The following ANKRD17 variants were observed in gnomAD, a reference collection of about 807,000 sequenced individuals.
ANKRD17 encodes the protein ankyrin repeat domain 17.
In ANKRD17, 19 loss-of-function variants were observed where a neutral mutation model predicts 229.7. The observed-to-expected ratio is 0.08, with a 90% CI of 0.06 to 0.12. The LOEUF (loss-of-function observed/expected upper bound fraction) is 0.12, where lower values mean the gene tolerates loss of function less well. Among genes scored for constraint, ANKRD17 ranks in the 10% least tolerant of loss-of-function variants. The pLI, the probability that ANKRD17 is intolerant of heterozygous loss-of-function variation, is 1.00. For synonymous variants in ANKRD17, 1,112 were observed against 1,146.1 expected, an observed-to-expected ratio of 0.97 and a Z score of 0.60; for missense variants, 2,176 against 3,176.8, an observed-to-expected ratio of 0.68 and a Z score of 7.57.
At chr4:73,076,380 T>G in intron 33 of ANKRD17, 90 bp from the exon 34 acceptor site, 1 of 988,368 alleles carries the variant, frequency 1.0e-6, no homozygotes, top group Non-Finnish European at 1.4e-6. Context: ...GAGGTACTCT[T>G]CAATTTGCAA....
chr4:73,182,289 T>C (rs1735688675), intron 1 of ANKRD17, among the ~76,000 whole-genome samples: 1 of 152,030 alleles, frequency 6.6e-6, no homozygotes, highest in South Asian at 2.1e-4. Flanking sequence ...ACCAGCTGGA[T>C]ATTTTATGAA....
intron 1 of ANKRD17, among the ~76,000 whole-genome samples, chr4:73,198,004 AT>A (rs1457249022): frequency 6.6e-6 from 1 of 152,204 alleles, no homozygotes; most frequent in African/African-American, 2.4e-5. Context: ...CTATGTATAA[AT>A]GATTGTAACT....
chr4:73,203,950 TG>T (rs534314599), intron 1 of ANKRD17, among the ~76,000 whole-genome samples: 33 of 151,286 alleles, frequency 2.2e-4, no homozygotes, highest in Non-Finnish European at 4.4e-4. Flanking sequence ...AAAACAGCCA[TG>T]GGGGGGAAAA....
chr4:73,154,040 A>C lies in ANKRD17; in HGVS notation c.1074T>G (p.Ala358=). Residue 358 remains alanine, a synonymous_variant, in exon 6 of 34, where the codon GCT becomes GCG. Coordinates refer to ENST00000358602, the MANE Select transcript of ANKRD17 (RefSeq NM_032217.5). ...CATTTTCATTATGGTCCTCAATACT[A>C]GCACCGGATTCCAAGAGCACCTTTA... ...DVVKVLLESG[A]SIEDHNENGH... The C allele has an allele frequency of 6.2e-7, 1 of 1,612,764 alleles. No homozygotes were observed. Among genetic ancestry groups the C allele is most frequent in the Non-Finnish European group, 8.5e-7 (1 of 1,179,428 alleles).
intron 18 of ANKRD17, 41 bp from the exon 19 acceptor site, chr4:73,121,800 G>A (rs1726767440): frequency 1.3e-6 from 2 of 1,540,808 alleles, no homozygotes; most frequent in South Asian, 1.3e-5. Flanking sequence ...CTTATGGAGA[G>A]ACAAATTACC....
At chr4:73,217,487 C>T (rs1431441559) in intron 1 of ANKRD17, among the ~76,000 whole-genome samples, 1 of 152,000 alleles carries the variant, frequency 6.6e-6, no homozygotes, top group Non-Finnish European at 1.5e-5. Context: ...TCTGAAAATT[C>T]AAAATCTGAA....
At chr4:73,218,243 T>C (rs1741356646) in intron 1 of ANKRD17, among the ~76,000 whole-genome samples, 1 of 152,196 alleles carries the variant, frequency 6.6e-6, no homozygotes, top group African/African-American at 2.4e-5. Flanking sequence ...GCTTTTTAAG[T>C]CCACTGCTGA....
At chr4:73,179,397 T>G (rs1039188700) in intron 1 of ANKRD17, among the ~76,000 whole-genome samples, 3 of 146,676 alleles carry the variant, frequency 2.0e-5, no homozygotes, top group Non-Finnish European at 4.5e-5. Context: ...ATTATATATA[T>G]TTTAAATTAT....
intron 15 of ANKRD17, among the ~76,000 whole-genome samples, chr4:73,138,545 C>T (rs976765126): frequency 2.0e-5 from 3 of 151,978 alleles, no homozygotes. Flanking sequence ...TTTAATGCTA[C>T]TGAAACAGTT....
intron 1 of ANKRD17, among the ~76,000 whole-genome samples, chr4:73,246,244 C>T (rs1469378973): frequency 6.6e-6 from 1 of 152,164 alleles, no homozygotes; most frequent in African/African-American, 2.4e-5. Context: ...TTAATATGTA[C>T]CAATGACTGC....
intron 27 of ANKRD17, among the ~76,000 whole-genome samples, chr4:73,096,227 GATC>G (rs1330853080): frequency 6.6e-6 from 1 of 152,154 alleles, no homozygotes; most frequent in Admixed American, 6.5e-5. Flanking sequence ...ATCAGCCAGT[GATC>G]ATCATTTCCA....
At chr4:73,182,768 T>C (rs1188788314) in intron 1 of ANKRD17, among the ~76,000 whole-genome samples, 1 of 152,206 alleles carries the variant, frequency 6.6e-6, no homozygotes, top group African/African-American at 2.4e-5. Flanking sequence ...AGGAATAAGA[T>C]AAATCAATGT....
chr4:73,087,719 G>A (rs1251221892), intron 29 of ANKRD17, among the ~76,000 whole-genome samples: 2 of 152,122 alleles, frequency 1.3e-5, no homozygotes, highest in Non-Finnish European at 2.9e-5. Flanking sequence ...CATTTTATTG[G>A]GTGCAGTAAT....
rs1340733197 is a variant in ANKRD17 at position 73,091,470 on chromosome 4, C to T, written c.6158G>A (p.Gly2053Glu). The T allele has an allele frequency of 6.2e-7, 1 of 1,614,128 alleles. No homozygotes were observed. Among genetic ancestry groups the T allele is most frequent in the East Asian group, 2.2e-5 (1 of 44,874 alleles). ...PSSPSPPAQP[G>E]GVSRNSPLDC... ...CAAAGGGCTGTTTCTAGAAACCCCT[C>T]CTGGCTGGGCTGGTGGTGATGGGGA... The change falls in exon 29 of 34, where the codon GGA becomes GAA. Residue 2053 changes from glycine to glutamate, a missense_variant. Physicochemically the swap from Gly to Glu is moderately conservative, Grantham distance 98 (BLOSUM62 -2). Coordinates refer to ENST00000358602, the MANE Select transcript of ANKRD17 (RefSeq NM_032217.5).
chr4:73,102,660 TC>T, intron 24 of ANKRD17, 113 bp from the exon 25 acceptor site: 1 of 1,203,176 alleles, frequency 8.3e-7, no homozygotes, highest in Admixed American at 2.5e-5. Context: ...TTCAAAGTCA[TC>T]TAGTTCAATT....
chr4:73,200,397 G>A (rs920718410), intron 1 of ANKRD17, among the ~76,000 whole-genome samples: 1 of 152,074 alleles, frequency 6.6e-6, no homozygotes, highest in African/African-American at 2.4e-5. Flanking sequence ...AAAAGTGTAA[G>A]ACGAGCCTGA....
chr4:73,159,980 G>T (rs1732282597), intron 3 of ANKRD17, among the ~76,000 whole-genome samples: 1 of 152,054 alleles, frequency 6.6e-6, no homozygotes, highest in South Asian at 2.1e-4. Flanking sequence ...AATGTTGTAT[G>T]AAAACACCAT....
intron 14 of ANKRD17, 130 bp from the exon 15 acceptor site, chr4:73,140,413 T>C (rs867122866): frequency 2.4e-6 from 2 of 839,930 alleles, no homozygotes; most frequent in Non-Finnish European, 3.3e-6. Flanking sequence ...AAATGCACTG[T>C]TAAAAAATTA....
At chr4:73,147,196 A>T in intron 9 of ANKRD17, 45 bp downstream of exon 9, 1 of 1,475,560 alleles carries the variant, frequency 6.8e-7, no homozygotes, top group Non-Finnish European at 9.1e-7. Context: ...ATTTTTACTT[A>T]AACAAATCAT....
Sources: allele counts gnomAD v4.1 joint callset (sites outside exome capture counted in the v4.1 genomes callset), GRCh38; gene constraint gnomAD v4.1.1; transcripts MANE v1.5; gene names NCBI Gene and HGNC (gene_info 2026-07-23, HGNC 2026-07-21).